The following GPC6 variants were observed in gnomAD, a reference collection of about 807,000 sequenced individuals.
GPC6 encodes glypican 6.
A neutral mutation model predicts 55.2 loss-of-function variants in GPC6; 14 were observed. The observed-to-expected ratio is 0.25, with a 90% CI of 0.17 to 0.40. The LOEUF is 0.40. Among genes scored for constraint, GPC6 ranks in the 10% least tolerant of loss-of-function variants. The pLI is 1.00. For missense variants in GPC6, 641 were observed against 708.5 expected, an observed-to-expected ratio of 0.90 and a Z score of 1.08; for synonymous variants, 278 against 259.6, an observed-to-expected ratio of 1.07 and a Z score of -0.68.
At chr13:93,483,687 G>A (rs1352824924) in intron 1 of GPC6, among the ~76,000 whole-genome samples, 3 of 152,128 alleles carry the variant, frequency 2.0e-5, no homozygotes, top group Non-Finnish European at 4.4e-5. Flanking sequence ...CTAAAATAAT[G>A]TTTAGTCATA....
At chr13:94,081,994 C>T (rs1313957387) in intron 4 of GPC6, among the ~76,000 whole-genome samples, 6 of 152,036 alleles carry the variant, frequency 3.9e-5, no homozygotes, top group African/African-American at 1.4e-4. Flanking sequence ...GCATCCACCA[C>T]CACGCCTAGC....
chr13:94,398,356 G>C lies in GPC6; in HGVS notation c.1290-110G>C, dbSNP rs1471702066. 4 of 807,642 alleles carry C rather than the reference G, an allele frequency of 5.0e-6. No individual in the cohort carries two copies. The African/African-American group carries it at 5.1e-5, about 10-fold the overall frequency. The allele number at this position is 807,642 out of a possible 1,614,324, so 50.0% of individuals were successfully genotyped here. On this transcript the variant is annotated intron_variant, in intron 7 of 8. Transcript: ENST00000377047. ...CAGGAACTAGATCCAGTTTTTGCCA[G>C]GTGTCTTGGCTGACTGTCAGAGACA...
At chr13:93,708,105 A>C (rs547952288) in intron 2 of GPC6, among the ~76,000 whole-genome samples, 1 of 151,940 alleles carries the variant, frequency 6.6e-6, no homozygotes, top group East Asian at 1.9e-4. Context: ...TTTAGCGGAA[A>C]ACATTATAAA....
At chr13:94,315,758 T>C (rs1334816226) in intron 6 of GPC6, among the ~76,000 whole-genome samples, 2 of 152,196 alleles carry the variant, frequency 1.3e-5, no homozygotes, top group Non-Finnish European at 2.9e-5. Context: ...AAAATCAGTC[T>C]TTCCTTTATT....
intron 3 of GPC6, among the ~76,000 whole-genome samples, chr13:93,941,805 T>C (rs74953872): frequency 7.1e-4 from 108 of 152,318 alleles, no homozygotes; most frequent in African/African-American, 2.6e-3. Context: ...CTCCAGGGCA[T>C]TATCCTAGAG....
At chr13:93,574,917 C>T (rs901869296) in intron 2 of GPC6, among the ~76,000 whole-genome samples, 4 of 152,146 alleles carry the variant, frequency 2.6e-5, no homozygotes, top group African/African-American at 7.2e-5. Context: ...AATTAATTTT[C>T]CCCAAGACAA....
At chr13:93,840,203 T>C (rs1391994417) in intron 3 of GPC6, among the ~76,000 whole-genome samples, 4 of 152,100 alleles carry the variant, frequency 2.6e-5, no homozygotes, top group Admixed American at 6.6e-5. Flanking sequence ...ATTAGCAAGA[T>C]TGACCAAGCA....
intron 6 of GPC6, among the ~76,000 whole-genome samples, chr13:94,372,303 A>G (rs56112811): frequency 2.6e-4 from 39 of 151,966 alleles, no homozygotes; most frequent in Non-Finnish European, 2.5e-4. Context: ...CTGAGGTACC[A>G]GGTTCATCTC....
At chr13:93,402,187 G>A (rs940187437) in intron 1 of GPC6, among the ~76,000 whole-genome samples, 15 of 152,108 alleles carry the variant, frequency 9.9e-5, no homozygotes, top group African/African-American at 3.6e-4. Context: ...AATAAGGAAT[G>A]CAAGTATGTA....
At chr13:93,676,669 G>C (rs1469640365) in intron 2 of GPC6, among the ~76,000 whole-genome samples, 1 of 152,084 alleles carries the variant, frequency 6.6e-6, no homozygotes, top group African/African-American at 2.4e-5. Context: ...AGAGAAGCTT[G>C]AAATAAGATC....
intron 1 of GPC6, among the ~76,000 whole-genome samples, chr13:93,377,170 T>C (rs1043635638): frequency 2.6e-5 from 4 of 151,940 alleles, no homozygotes; most frequent in Non-Finnish European, 5.9e-5. Context: ...AGCTCTGGAG[T>C]GTCAGAGGGT....
At chr13:94,019,942 T>G (rs933544043) in intron 3 of GPC6, among the ~76,000 whole-genome samples, 2 of 152,186 alleles carry the variant, frequency 1.3e-5, no homozygotes, top group Non-Finnish European at 2.9e-5. Context: ...ATTGGTCGAT[T>G]TGGTTGATCT....
At chr13:94,122,704 C>T (rs1197771180) in intron 4 of GPC6, among the ~76,000 whole-genome samples, 2 of 152,044 alleles carry the variant, frequency 1.3e-5, no homozygotes, top group Non-Finnish European at 2.9e-5. Context: ...CATAAATCAG[C>T]CAGAAGAGAG....
intron 1 of GPC6, among the ~76,000 whole-genome samples, chr13:93,252,626 T>G (rs1187180079): frequency 1.3e-5 from 2 of 152,222 alleles, no homozygotes. Flanking sequence ...CCACTTCTAC[T>G]CTTATATTTT....
intron 3 of GPC6, among the ~76,000 whole-genome samples, chr13:93,921,130 T>C (rs999831855): frequency 1.7e-4 from 26 of 152,200 alleles, no homozygotes; most frequent in Admixed American, 1.1e-3. Context: ...ACTCTAGGCA[T>C]GCTGAAACTG....
At chr13:94,081,934 G>A (rs767757673) in intron 4 of GPC6, among the ~76,000 whole-genome samples, 4 of 148,178 alleles carry the variant, frequency 2.7e-5, no homozygotes, top group Middle Eastern at 3.5e-3. Context: ...TCCACCTCCC[G>A]GATTCAAGCA....
intron 2 of GPC6, among the ~76,000 whole-genome samples, chr13:93,547,259 T>C (rs1384498315): frequency 1.3e-5 from 2 of 151,460 alleles, no homozygotes. Context: ...GGCAGGAGAC[T>C]CACTTGAACC....
chr13:93,492,480 GA>G (rs1199813839), intron 1 of GPC6, among the ~76,000 whole-genome samples: 1 of 151,046 alleles, frequency 6.6e-6, no homozygotes, highest in East Asian at 1.9e-4. Flanking sequence ...GGGACAATTT[GA>G]CTTCCTCTTT....
intron 2 of GPC6, among the ~76,000 whole-genome samples, chr13:93,584,734 G>T (rs1594288049): frequency 7.2e-6 from 1 of 139,372 alleles, no homozygotes; most frequent in African/African-American, 2.9e-5. Context: ...TGTTCCCCAG[G>T]CTGGAGTGCA....
Sources: allele counts gnomAD v4.1 joint callset (sites outside exome capture counted in the v4.1 genomes callset), GRCh38; gene constraint gnomAD v4.1.1; transcripts MANE v1.5; gene names NCBI Gene and HGNC (gene_info 2026-07-23, HGNC 2026-07-21).